Variants in LIMCH1 observed in about 807,000 individuals in gnomAD.
LIMCH1 encodes LIM and calponin homology domains-containing protein 1.
A neutral mutation model predicts 176.5 loss-of-function variants in LIMCH1; 113 were observed. The ratio of observed to expected loss-of-function variants is 0.64; its 90% CI spans 0.55 to 0.75. LIMCH1 has a LOEUF of 0.75. Ranked by LOEUF, LIMCH1 falls within the 30% of genes least tolerant of loss-of-function variation. The pLI, the probability that LIMCH1 is intolerant of heterozygous loss-of-function variation, is 0.00. For missense variants in LIMCH1, 1,674 were observed against 1,814.9 expected (o/e 0.92, Z 1.41); for synonymous variants, 619 against 645.9 (o/e 0.96, Z 0.63).
At chr4:41,621,829 C>T (rs770569922) in intron 7 of LIMCH1, among the ~76,000 whole-genome samples, 18 of 152,100 alleles carry the variant, frequency 1.2e-4, no homozygotes, top group Non-Finnish European at 2.4e-4. Context: ...TGATCAGATT[C>T]GGATGCTCTG....
intron 14 of LIMCH1, among the ~76,000 whole-genome samples, chr4:41,641,933 C>G (rs2093838942): frequency 6.6e-6 from 1 of 152,230 alleles, no homozygotes; most frequent in Non-Finnish European, 1.5e-5. Flanking sequence ...CTAGTTAGAG[C>G]TTCACAGTGG....
intron 1 of LIMCH1, among the ~76,000 whole-genome samples, chr4:41,467,537 G>T (rs553521376): frequency 3.9e-5 from 6 of 152,252 alleles, no homozygotes; most frequent in African/African-American, 9.6e-5. Context: ...ATCAGATCTC[G>T]TGAGACTCAT....
At chr4:41,659,266 C>A (rs746021329) in intron 18 of LIMCH1, among the ~76,000 whole-genome samples, 10 of 152,114 alleles carry the variant, frequency 6.6e-5, no homozygotes, top group Non-Finnish European at 8.8e-5. Context: ...CAAGGTGATG[C>A]ATATTTCCTG....
chr4:41,481,471 G>A (rs901910356), intron 1 of LIMCH1, among the ~76,000 whole-genome samples: 4 of 152,146 alleles, frequency 2.6e-5, no homozygotes, highest in African/African-American at 7.2e-5. Flanking sequence ...GGGGTTGTGC[G>A]TATAACCTGA....
At chr4:41,473,121 T>A (rs924157388) in intron 1 of LIMCH1, 3 of 985,178 alleles carry the variant, frequency 3.0e-6, no homozygotes, top group Non-Finnish European at 3.6e-6. Context: ...TGCCATAAAA[T>A]GACAACTTGG....
chr4:41,674,215 A>G lies in LIMCH1; in HGVS notation c.3439-2167A>G, dbSNP rs73813410. On this transcript the variant is annotated intron_variant, in intron 22 of 31. Coordinates refer to ENST00000503057, the MANE Select transcript of LIMCH1 (RefSeq NM_001330672.2). ...CCACACTTCCTCCTCCTATCTGCCC[A>G]CTCCTTACTTGACTTATTCCTGAGA... 6.4e-3 allele frequency among the ~76,000 whole-genome samples: 963 copies of G among 151,286 alleles called. 5 individuals are homozygous for G. The highest frequency in any genetic ancestry group is 0.022 in the African/African-American group (924 of 41,134).
At chr4:41,643,157 G>T (rs1457722668) in intron 14 of LIMCH1, among the ~76,000 whole-genome samples, 3 of 152,208 alleles carry the variant, frequency 2.0e-5, no homozygotes, top group Admixed American at 2.0e-4. Context: ...TTGAAGGGAA[G>T]GTGGGCAGCC....
At chr4:41,579,302 A>T (rs948999281) in intron 1 of LIMCH1, among the ~76,000 whole-genome samples, 1 of 152,154 alleles carries the variant, frequency 6.6e-6, no homozygotes, top group Admixed American at 6.5e-5. Flanking sequence ...ATTGAAATTG[A>T]TCGGGCATAA....
intron 1 of LIMCH1, among the ~76,000 whole-genome samples, chr4:41,581,868 T>G (rs570159504): frequency 6.6e-6 from 1 of 151,136 alleles, no homozygotes; most frequent in South Asian, 2.1e-4. Flanking sequence ...ATACAGAATT[T>G]ATCTTTGAGT....
rs934308945 is a variant in LIMCH1, at chr4:41,699,038, A to G, written c.*1853A>G. ...AAGAAAAATTGTTTTGAAAATGTAC[A>G]GATCAAGTCCAATATTTTGATTATC... On this transcript the variant is annotated 3_prime_UTR_variant, in exon 32 of 32. Transcript: ENST00000503057. 2.6e-5 allele frequency: 4 copies of G among 152,258 alleles called. No homozygotes were observed. The highest frequency in any genetic ancestry group is 5.9e-5 in the Non-Finnish European group (4 of 68,028). 9.4% of individuals were successfully genotyped at this position (152,258 alleles called of 1,614,324 possible).
chr4:41,508,528 C>T (rs931551766), intron 2 of LIMCH1, among the ~76,000 whole-genome samples: 2 of 152,002 alleles, frequency 1.3e-5, no homozygotes, highest in East Asian at 3.9e-4. Flanking sequence ...GATTTGTGAG[C>T]CATTGTCGGA....
intron 1 of LIMCH1, among the ~76,000 whole-genome samples, chr4:41,591,878 A>G (rs993752314): frequency 1.3e-5 from 2 of 152,206 alleles, no homozygotes; most frequent in East Asian, 3.9e-4. Context: ...TCTGGTTTCC[A>G]CAGAGAACTA....
chr4:41,585,891 T>G (rs6852475), intron 1 of LIMCH1, among the ~76,000 whole-genome samples: 52,830 of 151,874 alleles, frequency 0.35, 14,698 homozygotes, highest in African/African-American at 0.78. Context: ...ATCCGAAATG[T>G]TATACTCCCT....
chr4:41,374,643 G>A (rs2054465770), intron 1 of LIMCH1, among the ~76,000 whole-genome samples: 1 of 151,858 alleles, frequency 6.6e-6, no homozygotes, highest in Admixed American at 6.6e-5. Flanking sequence ...CTAAAAAATA[G>A]ACAGTTGATT....
intron 1 of LIMCH1, among the ~76,000 whole-genome samples, chr4:41,577,091 A>G (rs2084611876): frequency 6.6e-6 from 1 of 152,112 alleles, no homozygotes; most frequent in African/African-American, 2.4e-5. Flanking sequence ...TTGAGTACAC[A>G]TGGATTTTAA....
At chr4:41,606,934 G>A (rs1414599115) in intron 4 of LIMCH1, among the ~76,000 whole-genome samples, 1 of 152,160 alleles carries the variant, frequency 6.6e-6, no homozygotes, top group African/African-American at 2.4e-5. Context: ...GAGTAGCTGG[G>A]ATTATAGGCA....
intron 18 of LIMCH1, among the ~76,000 whole-genome samples, chr4:41,655,408 G>A (rs2094435510): frequency 6.6e-6 from 1 of 152,208 alleles, no homozygotes. Flanking sequence ...CATGCAACAA[G>A]TGGGAGTAAG....
At chr4:41,494,341 A>G (rs1296471145) in intron 1 of LIMCH1, among the ~76,000 whole-genome samples, 1 of 149,864 alleles carries the variant, frequency 6.7e-6, no homozygotes, top group Non-Finnish European at 1.5e-5. Context: ...ATACACATAC[A>G]TATATATACA....
At chr4:41,605,234 A>T (rs1011059118) in intron 3 of LIMCH1, among the ~76,000 whole-genome samples, 3 of 152,176 alleles carry the variant, frequency 2.0e-5, no homozygotes, top group African/African-American at 7.2e-5. Flanking sequence ...AGGTTGTTTA[A>T]TTGGTAGCAA....
Sources: gnomAD v4.1 joint callset for allele counts (sites outside exome capture counted in the v4.1 genomes callset) on GRCh38, gnomAD v4.1.1 for gene constraint, MANE v1.5 for transcripts, NCBI Gene and HGNC (gene_info 2026-07-23, HGNC 2026-07-21) for gene names.